The following BACH2 variants were observed in gnomAD, a reference collection of about 807,000 sequenced individuals.
BACH2 encodes BACH transcriptional regulator 2.
In BACH2, 5 loss-of-function variants were observed where a neutral mutation model predicts 61.8. The ratio of observed to expected loss-of-function variants is 0.08; its 90% CI spans 0.04 to 0.17. The LOEUF (loss-of-function observed/expected upper bound fraction) is 0.17, where lower values mean the gene tolerates loss of function less well. Ranked by LOEUF, BACH2 falls within the 10% of genes least tolerant of loss-of-function variation. BACH2 has a pLI of 1.00. For synonymous variants in BACH2, 446 were observed against 440.1 expected (o/e 1.01, Z -0.17); for missense variants, 824 against 1,091.1 (o/e 0.76, Z 3.45).
At chr6:89,983,618 G>A (rs1424577163) in intron 6 of BACH2, among the ~76,000 whole-genome samples, 4 of 152,126 alleles carry the variant, frequency 2.6e-5, no homozygotes, top group Non-Finnish European at 5.9e-5. Context: ...GCGGTGAGCC[G>A]AGATCACGCC....
intron 6 of BACH2, among the ~76,000 whole-genome samples, chr6:89,989,646 A>C (rs1776436378): frequency 6.6e-6 from 1 of 152,186 alleles, no homozygotes; most frequent in African/African-American, 2.4e-5. Flanking sequence ...TCCATCAAGA[A>C]GCATCTACTA....
chr6:89,998,069 T>C (rs1238142546), intron 6 of BACH2, among the ~76,000 whole-genome samples: 1 of 152,174 alleles, frequency 6.6e-6, no homozygotes. Context: ...ATGAAATAGG[T>C]ATTTCTTCAA....
At chr6:90,068,441 T>C (rs933790655) in intron 5 of BACH2, among the ~76,000 whole-genome samples, 8 of 152,156 alleles carry the variant, frequency 5.3e-5, no homozygotes, top group Non-Finnish European at 1.2e-4. Flanking sequence ...TCTTCTCATG[T>C]GAATGTCAGG....
In BACH2 at chr6:89,984,164, G is replaced by T. The variant is rs756273265; in HGVS notation, c.243+24438C>A. 3.9e-5 allele frequency among the ~76,000 whole-genome samples: 6 copies of T among 152,204 alleles called. No homozygotes were observed. The South Asian group carries it at 8.3e-4, about 21-fold the overall frequency. ...AAACTACAATTTAGTAACAGAAAGC[G>T]GGGTTATTAATATCAAGCCCACTGC... On this transcript the variant is annotated intron_variant, in intron 6 of 8. Transcript: ENST00000257749.
chr6:90,225,537 TCA>T (rs1769884062), intron 3 of BACH2, among the ~76,000 whole-genome samples: 1 of 152,086 alleles, frequency 6.6e-6, no homozygotes, highest in Admixed American at 6.5e-5. Context: ...CACCACATGT[TCA>T]CACTTATACG....
chr6:90,220,477 G>A (rs1769702759), intron 3 of BACH2, among the ~76,000 whole-genome samples: 1 of 152,148 alleles, frequency 6.6e-6, no homozygotes. Flanking sequence ...GTCAGGGGAG[G>A]ACTGTTTATT....
chr6:90,152,707 A>G (rs141893175), intron 4 of BACH2, among the ~76,000 whole-genome samples: 1 of 152,356 alleles, frequency 6.6e-6, no homozygotes, highest in Admixed American at 6.5e-5. Context: ...AGTCTGCTTA[A>G]TGCTTAAGTC....
At chr6:90,141,726 T>TA (rs1171489171) in intron 4 of BACH2, among the ~76,000 whole-genome samples, 1 of 152,216 alleles carries the variant, frequency 6.6e-6, no homozygotes, top group Non-Finnish European at 1.5e-5. Flanking sequence ...TACTTCAAAT[T>TA]AGATTTTACA....
rs147157949 is a variant in BACH2, at chr6:89,987,926, T to C, written c.243+20676A>G. Among the ~76,000 whole-genome samples, 1,452 of 152,226 alleles carry C rather than the reference T, an allele frequency of 9.5e-3. 13 individuals are homozygous for C. Among genetic ancestry groups the C allele is most frequent in the East Asian group, 0.027 (142 of 5,172 alleles). On this transcript the variant is annotated intron_variant, in intron 6 of 8. Transcript: ENST00000257749. The stretch of plus-strand genomic sequence containing the variant: ...AGGAAGAAAGACAAGGTTGATAGTA[T>C]TTTCATTTACTCTGGATACCACTAG...
intron 5 of BACH2, among the ~76,000 whole-genome samples, chr6:90,065,830 C>T (rs926651631): frequency 7.2e-5 from 11 of 152,122 alleles, no homozygotes; most frequent in African/African-American, 1.2e-4. Flanking sequence ...TGTGGAAGCA[C>T]GACACGTGTG....
intron 6 of BACH2, among the ~76,000 whole-genome samples, chr6:89,964,528 T>C (rs1774941244): frequency 6.6e-6 from 1 of 152,238 alleles, no homozygotes; most frequent in African/African-American, 2.4e-5. Flanking sequence ...TTCTTTAAGA[T>C]GATACTGCCG....
chr6:90,148,761 T>C (rs552463796), intron 4 of BACH2, among the ~76,000 whole-genome samples: 1 of 152,356 alleles, frequency 6.6e-6, no homozygotes, highest in Non-Finnish European at 1.5e-5. Context: ...GGTAAAATTA[T>C]AAGTGTTTTG....
intron 2 of BACH2, among the ~76,000 whole-genome samples, chr6:90,261,256 G>A (rs77285003): frequency 4.6e-5 from 7 of 152,110 alleles, no homozygotes; most frequent in Non-Finnish European, 7.4e-5. Context: ...TCTAGCTTAC[G>A]TGCCATCAGA....
chr6:90,126,401 G>C lies in BACH2; in HGVS notation c.-161-37292C>G, dbSNP rs146420211. On this transcript the variant is annotated intron_variant, in intron 4 of 8. Coordinates refer to ENST00000257749, the MANE Select transcript of BACH2 (RefSeq NM_021813.4). The stretch of plus-strand genomic sequence containing the variant: ...TGCTCTCAGTGCTACTGGCAGATAC[G>C]GCACGGGCAGAAGAGAAAGCTTTGG... Among the ~76,000 whole-genome samples the C allele has an allele frequency of 4.6e-5, 7 of 152,246 alleles. No homozygotes were observed. The East Asian group carries it at 5.8e-4, about 13-fold the overall frequency.
chr6:90,072,585 C>T (rs1276430752), intron 5 of BACH2, among the ~76,000 whole-genome samples: 4 of 152,198 alleles, frequency 2.6e-5, no homozygotes, highest in South Asian at 2.1e-4. Context: ...TGATAATTCA[C>T]GCATCTGTTA....
chr6:90,032,265 C>T (rs1283817258), intron 5 of BACH2, among the ~76,000 whole-genome samples: 1 of 149,902 alleles, frequency 6.7e-6, no homozygotes, highest in Non-Finnish European at 1.5e-5. Flanking sequence ...AAAAGAAAAC[C>T]TAGGCAATAC....
chr6:89,981,768 G>C (rs570338330), intron 6 of BACH2, among the ~76,000 whole-genome samples: 8 of 152,174 alleles, frequency 5.3e-5, no homozygotes, highest in South Asian at 2.1e-4. Flanking sequence ...CACAGGCAAA[G>C]CTTTGAGCCT....
At position 89,987,651 on chromosome 6, in the gene BACH2, G is replaced by A. The variant is rs77754304; in HGVS notation, c.243+20951C>T. Among the ~76,000 whole-genome samples, 354 of 152,230 alleles carry A rather than the reference G, an allele frequency of 2.3e-3. 6 individuals carry two copies. Among genetic ancestry groups the A allele is most frequent in the African/African-American group, 7.7e-3 (320 of 41,548 alleles). ...ACAAATAAGGAAGAACTTGCTAGTA[G>A]TCACGGTTGTATAAAATGGAGGAAG... On this transcript the variant is annotated intron_variant, in intron 6 of 8. Transcript: ENST00000257749.
intron 4 of BACH2, among the ~76,000 whole-genome samples, chr6:90,092,483 TTTCCC>T (rs1195216335): frequency 3.3e-5 from 5 of 151,914 alleles, no homozygotes; most frequent in African/African-American, 1.2e-4. Flanking sequence ...AGATACAGAC[TTTCCC>T]ACTCACAGTA....
Sources: gnomAD v4.1 joint callset for allele counts (sites outside exome capture counted in the v4.1 genomes callset) on GRCh38, gnomAD v4.1.1 for gene constraint, MANE v1.5 for transcripts, NCBI Gene and HGNC (gene_info 2026-07-23, HGNC 2026-07-21) for gene names.